GALK1: variants seen among roughly 807,000 people sequenced by gnomAD.
GALK1 encodes the protein galactokinase 1, also known as galactokinase.
Under a neutral mutation model 38.6 loss-of-function variants are expected in GALK1, and 30 were observed. The ratio of observed to expected loss-of-function variants is 0.78; its 90% CI spans 0.58 to 1.05. The LOEUF is 1.05. GALK1 is among the 50% of genes least tolerant of loss of function. GALK1 has a pLI of 0.00. For missense variants in GALK1, 512 were observed against 540.5 expected (o/e 0.95, Z 0.52); for synonymous variants, 240 against 233.6 (o/e 1.03, Z -0.25).
chr17:75,754,745 C>G (rs764990936), downstream of GALK1: 44 of 1,612,572 alleles, frequency 2.7e-5, no homozygotes, highest in Admixed American at 3.3e-5. Flanking sequence ...ACTCACTGAC[C>G]CGCTCAGAAC....
At chr17:75,758,774 A>G (rs1451025529) in intron 5 of GALK1, among the ~76,000 whole-genome samples, 175 bp from the exon 6 acceptor site, 1 of 152,184 alleles carries the variant, frequency 6.6e-6, no homozygotes, top group Non-Finnish European at 1.5e-5. Context: ...CCTTTATCAC[A>G]GTGCCTCCTC....
At chr17:75,752,779 A>G (rs2061398404) in intron 8 of GALK1, among the ~76,000 whole-genome samples, 2 of 152,196 alleles carry the variant, frequency 1.3e-5, no homozygotes, top group South Asian at 4.1e-4. Context: ...AGCCTTGTGC[A>G]AGCGCACATG....
At chr17:75,753,774 G>A, downstream of GALK1, 1 of 1,448,902 alleles carries the variant, frequency 6.9e-7, no homozygotes, top group Non-Finnish European at 9.1e-7. Flanking sequence ...GGCTGCGGCT[G>A]GAAGTTCGAG....
Position 75,763,330 on chromosome 17 carries a change from C to G in GALK1, c.465G>C (p.Gln155His). The change falls in exon 3 of 8, where the codon CAG (glutamine) becomes CAC (histidine). Residue 155 changes from glutamine (Q) to histidine (H), a missense_variant. Physicochemically the swap from Gln to His is conservative, Grantham distance 24 (BLOSUM62 0). Coordinates refer to ENST00000588479, the MANE Select transcript of GALK1 (RefSeq NM_000154.2). ...GGGCCTAGCTGGTACCTGGACAGAG[C>G]TGCTGGAGGAAGGTGTACGTGGCCA... is the stretch of plus-strand genomic sequence containing the variant. ...LEVATYTFLQQLCPDSGTIAA... is the reference protein window; with the variant it reads ...LEVATYTFLQHLCPDSGTIAA... 1 of 1,614,000 alleles carries G rather than the reference C, an allele frequency of 6.2e-7. No homozygotes were observed. The highest frequency in any genetic ancestry group is 8.5e-7 in the Non-Finnish European group (1 of 1,180,000).
intron 3 of GALK1, 53 bp downstream of exon 3, chr17:75,763,266 AC>A: frequency 1.2e-6 from 2 of 1,613,522 alleles, no homozygotes; most frequent in East Asian, 4.5e-5. Flanking sequence ...AGCTGGGACC[AC>A]CTGGAGACCT....
chr17:75,759,776 G>A (rs1034447238), intron 5 of GALK1, among the ~76,000 whole-genome samples: 12 of 152,202 alleles, frequency 7.9e-5, no homozygotes, highest in African/African-American at 2.9e-4. Context: ...CAAAGGAAAA[G>A]GACAGGGAGG....
intron 5 of GALK1, among the ~76,000 whole-genome samples, chr17:75,759,413 G>A (rs2061576154): frequency 7.5e-6 from 1 of 133,126 alleles, no homozygotes. Flanking sequence ...GGGTGACAGA[G>A]TGAGGCTCCC....
intron 1 of GALK1, 151 bp downstream of exon 1, chr17:75,764,820 CG>C: frequency 3.7e-6 from 3 of 818,472 alleles, no homozygotes; most frequent in Non-Finnish European, 3.9e-6. Context: ...CAGCCTGTCC[CG>C]GGGACTCTTC....
At chr17:75,752,389 CGGGCAGGG>C (rs1204157893) in intron 8 of GALK1, 3 of 1,577,340 alleles carry the variant, frequency 1.9e-6, no homozygotes, top group African/African-American at 1.4e-5. Context: ...AGGGGCAGAC[CGGGCAGGG>C]GGGCAGGGGG....
At chr17:75,755,222 G>C (rs755747187), downstream of GALK1, 10 of 1,598,380 alleles carry the variant, frequency 6.3e-6, no homozygotes, top group East Asian at 2.2e-4. Flanking sequence ...AGGTAGTACA[G>C]GGGTGGCCAT....
intron 5 of GALK1, among the ~76,000 whole-genome samples, chr17:75,760,078 G>C (rs758051716): frequency 6.6e-6 from 1 of 152,088 alleles, no homozygotes; most frequent in Non-Finnish European, 1.5e-5. Flanking sequence ...TGTGTAGCAG[G>C]AGCCTTAAGG....
chr17:75,763,736 G>T, intron 2 of GALK1, 161 bp downstream of exon 2: 1 of 839,420 alleles, frequency 1.2e-6, no homozygotes, highest in Non-Finnish European at 1.9e-6. Context: ...CCCAGGGCAA[G>T]TTCCCGACCT....
Position 75,763,436 on chromosome 17 carries a change from G to T in GALK1, c.359C>A (p.Ala120Asp), listed in dbSNP as rs758422873. 2.5e-6 allele frequency: 4 copies of T among 1,595,336 alleles called. No homozygotes were observed. Among genetic ancestry groups the T allele is most frequent in the Non-Finnish European group, 3.4e-6 (4 of 1,171,324 alleles). ...VKGVIQYYPAAPLPGFSAVVV... is the reference protein window; with the variant it reads ...VKGVIQYYPADPLPGFSAVVV... Reference sequence around the variant, plus strand: ...CACTGCACTGAAGCCAGGGAGGGGGGCAGCTGCAGGGGAAAGAACAGGTGA... The same window carrying T: ...CACTGCACTGAAGCCAGGGAGGGGGTCAGCTGCAGGGGAAAGAACAGGTGA... The change falls in exon 3 of 8, where the codon GCC (alanine) becomes GAC (aspartate). Residue 120 changes from alanine (A) to aspartate (D), a missense_variant. Coordinates refer to ENST00000588479, the MANE Select transcript of GALK1 (RefSeq NM_000154.2).
chr17:75,764,303 A>G, intron 1 of GALK1: 1 of 753,342 alleles, frequency 1.3e-6, no homozygotes, highest in Middle Eastern at 2.3e-4. Flanking sequence ...CAGCTGGAGC[A>G]CAGACCTGGA....
chr17:75,752,209 A>C (rs1345103799), intron 8 of GALK1: 5 of 1,613,810 alleles, frequency 3.1e-6, no homozygotes, highest in Non-Finnish European at 4.2e-6. Context: ...GCTGGTTGAC[A>C]ACCCTAAGAA....
At chr17:75,758,778 C>T (rs367888700) in intron 5 of GALK1, among the ~76,000 whole-genome samples, 179 bp from the exon 6 acceptor site, 17 of 152,310 alleles carry the variant, frequency 1.1e-4, no homozygotes, top group African/African-American at 4.1e-4. Flanking sequence ...TATCACAGTG[C>T]CTCCTCCCCC....
downstream of GALK1, chr17:75,754,360 G>A: frequency 1.6e-6 from 1 of 618,698 alleles, no homozygotes; most frequent in Non-Finnish European, 2.8e-6. Context: ...CCGATAGAGT[G>A]GCCGGCCAGA....
At chr17:75,760,430 C>T (rs1431224141) in intron 5 of GALK1, among the ~76,000 whole-genome samples, 2 of 151,270 alleles carry the variant, frequency 1.3e-5, no homozygotes, top group African/African-American at 4.9e-5. Flanking sequence ...CTCTGTAATC[C>T]TACTCCTAAG....
chr17:75,758,369 G>A lies in GALK1; in HGVS notation c.948C>T (p.Asp316=), dbSNP rs370706611. The A allele has an allele frequency of 1.5e-5, 24 of 1,589,396 alleles. No homozygotes were observed. Among genetic ancestry groups the A allele is most frequent in the Middle Eastern group, 1.7e-4 (1 of 6,040 alleles). The change falls in exon 7 of 8, where the codon GAC becomes GAT. Residue 316 remains aspartate (D), a synonymous_variant. Coordinates refer to ENST00000588479, the MANE Select transcript of GALK1 (RefSeq NM_000154.2). Reference sequence around the variant, plus strand: ...GCTCTGGGCAGCTCACCTCATAGTCGTCTCTGCAGAGAGGATATTGAAGGG... The same window carrying A: ...GCTCTGGGCAGCTCACCTCATAGTCATCTCTGCAGAGAGGATATTGAAGGG... ...LMVESHRSLR[D]DYEVSCPELD...
Sources: allele counts gnomAD v4.1 joint callset (sites outside exome capture counted in the v4.1 genomes callset), GRCh38; gene constraint gnomAD v4.1.1; transcripts MANE v1.5; gene names NCBI Gene and HGNC (gene_info 2026-07-23, HGNC 2026-07-21).